Variants in MIPEP observed in about 807,000 individuals in gnomAD.
MIPEP encodes the protein mitochondrial intermediate peptidase.
A neutral mutation model predicts 90.3 loss-of-function variants in MIPEP; 79 were observed. The observed-to-expected ratio is 0.87, with a 90% CI of 0.73 to 1.05. The LOEUF (loss-of-function observed/expected upper bound fraction) is 1.05. MIPEP is among the 50% of genes least tolerant of loss of function. The pLI is 0.00. For missense variants in MIPEP, 940 were observed against 905.6 expected, an observed-to-expected ratio of 1.04 and a Z score of -0.49; for synonymous variants, 334 against 315.8, an observed-to-expected ratio of 1.06 and a Z score of -0.61.
intron 16 of MIPEP, among the ~76,000 whole-genome samples, chr13:23,775,851 C>G (rs2098871107): frequency 6.6e-6 from 1 of 152,236 alleles, no homozygotes; most frequent in East Asian, 1.9e-4. Context: ...CATAATGGGT[C>G]TGCTATTTCC....
rs189182928 is a variant in MIPEP, at chr13:23,765,689, G to A, written c.1849-5472C>T. Among the ~76,000 whole-genome samples the A allele has an allele frequency of 1.0e-3, 159 of 152,264 alleles. 1 individual carries two copies. The highest frequency in any genetic ancestry group is 3.5e-3 in the African/African-American group (144 of 41,556). ...CTTACTGCAGTACTGGAAGCACAAC[G>A]GGAACTCGACAGCAATCTGCTGAAT... On this transcript the variant is annotated intron_variant, in intron 16 of 18. Transcript: ENST00000382172.
intron 18 of MIPEP, among the ~76,000 whole-genome samples, chr13:23,755,546 C>T (rs1377324091): frequency 6.6e-6 from 1 of 152,166 alleles, no homozygotes; most frequent in Non-Finnish European, 1.5e-5. Flanking sequence ...TGCACTTTTT[C>T]AGATAGCCAG....
At chr13:23,856,420 G>A (rs1870050226) in intron 10 of MIPEP, among the ~76,000 whole-genome samples, 1 of 152,228 alleles carries the variant, frequency 6.6e-6, no homozygotes, top group Admixed American at 6.5e-5. Flanking sequence ...AAAGTAGGTT[G>A]TGATCAGATC....
chr13:23,766,331 T>C (rs550013768), intron 16 of MIPEP, among the ~76,000 whole-genome samples: 117 of 152,302 alleles, frequency 7.7e-4, no homozygotes, highest in South Asian at 2.3e-3. Context: ...AATGGGCTAG[T>C]AATACTGTAT....
intron 18 of MIPEP, among the ~76,000 whole-genome samples, chr13:23,731,622 A>G (rs1192727197): frequency 2.0e-5 from 3 of 152,234 alleles, no homozygotes; most frequent in Admixed American, 6.5e-5. Context: ...GCATAAAAGG[A>G]AAAAATGTTA....
chr13:23,783,731 C>G (rs1241045196), intron 16 of MIPEP, among the ~76,000 whole-genome samples: 1 of 152,172 alleles, frequency 6.6e-6, no homozygotes, highest in Admixed American at 6.5e-5. Context: ...TCTCCTTAAG[C>G]TGATAAGCAA....
chr13:23,850,702 G>A (rs1385642259), intron 10 of MIPEP, among the ~76,000 whole-genome samples: 1 of 152,212 alleles, frequency 6.6e-6, no homozygotes, highest in Non-Finnish European at 1.5e-5. Context: ...TCTCGCCATA[G>A]AGGCTGGGGC....
At chr13:23,756,641 C>T (rs753936981) in intron 17 of MIPEP, 23 bp from the exon 18 acceptor site, 15 of 1,607,650 alleles carry the variant, frequency 9.3e-6, no homozygotes, top group Non-Finnish European at 1.3e-5. Context: ...GGTTCTGTTA[C>T]AGACTCCTGC....
At chr13:23,765,741 G>A (rs1160057763) in intron 16 of MIPEP, among the ~76,000 whole-genome samples, 1 of 152,170 alleles carries the variant, frequency 6.6e-6, no homozygotes, top group African/African-American at 2.4e-5. Context: ...GGACACCATG[G>A]GATTCTTTCA....
chr13:23,785,374 A>C (rs1839843421), intron 16 of MIPEP, among the ~76,000 whole-genome samples: 2 of 152,028 alleles, frequency 1.3e-5, no homozygotes. Context: ...ACATTCTCAG[A>C]AAACTATCGC....
chr13:23,843,517 CA>C (rs1412662346), intron 10 of MIPEP, among the ~76,000 whole-genome samples: 1 of 152,184 alleles, frequency 6.6e-6, no homozygotes, highest in Non-Finnish European at 1.5e-5. Flanking sequence ...GAAAAGCAGA[CA>C]TTTTTATAAG....
intron 16 of MIPEP, among the ~76,000 whole-genome samples, chr13:23,767,978 G>A (rs1356413930): frequency 6.6e-6 from 1 of 152,138 alleles, no homozygotes; most frequent in Non-Finnish European, 1.5e-5. Flanking sequence ...CAGATGCCCC[G>A]AGGCGTGTGG....
intron 7 of MIPEP, among the ~76,000 whole-genome samples, chr13:23,864,603 G>A (rs559764541): frequency 6.6e-6 from 1 of 152,140 alleles, no homozygotes; most frequent in Admixed American, 6.5e-5. Flanking sequence ...AGGCGTGGTG[G>A]TGCATGCCTA....
chr13:23,760,894 A>C (rs1952535384), intron 16 of MIPEP, among the ~76,000 whole-genome samples: 1 of 152,196 alleles, frequency 6.6e-6, no homozygotes, highest in Non-Finnish European at 1.5e-5. Flanking sequence ...AAAACAGTAA[A>C]GTCAGGAGTT....
chr13:23,887,350 A>T (rs1361464110), intron 1 of MIPEP, among the ~76,000 whole-genome samples: 1 of 152,206 alleles, frequency 6.6e-6, no homozygotes, highest in Non-Finnish European at 1.5e-5. Flanking sequence ...TGTGCCTGCT[A>T]CTTTACATAG....
chr13:23,857,635 A>C (rs1219658550), intron 10 of MIPEP, among the ~76,000 whole-genome samples: 1 of 152,338 alleles, frequency 6.6e-6, no homozygotes, highest in South Asian at 2.1e-4. Flanking sequence ...TCTTAACTAA[A>C]GGTTAGGACA....
chr13:23,837,421 C>T (rs1397582098), intron 13 of MIPEP, 131 bp downstream of exon 13: 6 of 681,186 alleles, frequency 8.8e-6, no homozygotes, highest in South Asian at 4.1e-5. Context: ...CAGGATGAGG[C>T]AATCTGAGAT....
chr13:23,889,162 GC>G lies in MIPEP; in HGVS notation c.158del (p.Gly53AlafsTer19). The G allele has an allele frequency of 6.8e-7, 1 of 1,466,034 alleles. No individual in the cohort carries two copies. Among genetic ancestry groups the G allele is most frequent in the South Asian group, 1.4e-5 (1 of 73,934 alleles). 90.8% of individuals were successfully genotyped at this position (1,466,034 alleles called of 1,614,324 possible). On this transcript the variant is annotated frameshift_variant, in exon 1 of 19. Coordinates refer to ENST00000382172, the MANE Select transcript of MIPEP (RefSeq NM_005932.4). LOFTEE classifies it high-confidence loss of function. ...GCTCGCCGAACAGGTCCAAGCGGCT[GC>G]CCTGGGGCTTGACATTGAAGGCGGC... ...VGAAFNVKPQ[G>X]SRLDLFGERR... is the part of the protein sequence containing the mutation.
At chr13:23,791,449 T>G (rs1371298676) in intron 16 of MIPEP, among the ~76,000 whole-genome samples, 1 of 152,144 alleles carries the variant, frequency 6.6e-6, no homozygotes, top group Admixed American at 6.6e-5. Context: ...GCTGGTGCCC[T>G]GCTTCCGATT....
Sources: allele counts gnomAD v4.1 joint callset (sites outside exome capture counted in the v4.1 genomes callset), GRCh38; gene constraint gnomAD v4.1.1; transcripts MANE v1.5; gene names NCBI Gene and HGNC (gene_info 2026-07-23, HGNC 2026-07-21).